Variants in MPC2 observed in about 807,000 individuals in gnomAD.
The protein encoded by MPC2 is brain protein 44.
Under a neutral mutation model 19.2 loss-of-function variants are expected in MPC2, and 19 were observed. That is an observed-to-expected ratio of 0.99 (90% CI 0.69 to 1.45). The LOEUF is 1.45. Ranked by LOEUF, MPC2 falls within the 40% of genes most tolerant of loss-of-function variation. MPC2 has a pLI of 0.00. For synonymous variants in MPC2, 61 were observed against 54.3 expected (o/e 1.12, Z -0.54); for missense variants, 122 against 153.0 (o/e 0.80, Z 1.07).
chr1:167,929,107 C>G (rs1309314868), intron 2 of MPC2, among the ~76,000 whole-genome samples: 1 of 152,134 alleles, frequency 6.6e-6, no homozygotes, highest in African/African-American at 2.4e-5. Flanking sequence ...GCCTGTAATC[C>G]CAGCCGTTTG....
intron 4 of MPC2, 69 bp downstream of exon 4, chr1:167,920,478 A>G: frequency 6.7e-7 from 1 of 1,493,330 alleles, no homozygotes; most frequent in Non-Finnish European, 9.2e-7. Flanking sequence ...CACTAAATAA[A>G]CTGATATAAA....
In MPC2 at chr1:167,936,043, G is replaced by A. The variant is rs189051947; in HGVS notation, c.-57-145C>T. ...GCCCCGCGAAGGTTGAGGGGGCGGA[G>A]GCTGCCGACTGCCAGCCCCCGGTCC... is the stretch of plus-strand genomic sequence containing the variant. On this transcript the variant is annotated intron_variant, in intron 1 of 5. Coordinates refer to ENST00000271373, the MANE Select transcript of MPC2 (RefSeq NM_001143674.4). 2.0e-4 allele frequency: 119 copies of A among 596,568 alleles called. 1 individual carries two copies. In the South Asian group the frequency reaches 2.1e-3, roughly 10 times the overall value. 37.0% of individuals were successfully genotyped at this position (596,568 alleles called of 1,614,324 possible).
chr1:167,935,919 G>A (rs1671147871), intron 1 of MPC2, 21 bp from the exon 2 acceptor site: 2 of 1,151,424 alleles, frequency 1.7e-6, no homozygotes, highest in African/African-American at 1.5e-5. Context: ...AGGGGAGCTA[G>A]TCACTTTTCC....
intron 2 of MPC2, among the ~76,000 whole-genome samples, chr1:167,932,808 C>CA (rs965449372): frequency 0.12 from 6,486 of 54,156 alleles, 455 homozygotes; most frequent in African/African-American, 0.25. Flanking sequence ...GACTCTGTCT[C>CA]AAAAAAAAAA....
intron 2 of MPC2, among the ~76,000 whole-genome samples, chr1:167,931,945 T>G (rs1335418852): frequency 1.3e-5 from 2 of 152,200 alleles, no homozygotes; most frequent in Admixed American, 1.3e-4. Flanking sequence ...ATTTAGACTT[T>G]AAAGTAACTT....
At chr1:167,929,032 C>CA (rs1279486940) in intron 2 of MPC2, among the ~76,000 whole-genome samples, 1 of 152,174 alleles carries the variant, frequency 6.6e-6, no homozygotes, top group Non-Finnish European at 1.5e-5. Flanking sequence ...CCAATGCTGA[C>CA]AATTTAGAAA....
intron 2 of MPC2, among the ~76,000 whole-genome samples, chr1:167,932,369 C>T (rs960044283): frequency 1.3e-5 from 2 of 152,124 alleles, no homozygotes; most frequent in Non-Finnish European, 2.9e-5. Context: ...GTAAACGTTA[C>T]TGGAAGTTCT....
At chr1:167,920,750 G>T in intron 3 of MPC2, 119 bp from the exon 4 acceptor site, 2 of 950,168 alleles carry the variant, frequency 2.1e-6, no homozygotes, top group Non-Finnish European at 3.0e-6. Context: ...TAATTTTAGT[G>T]TCCATTCATT....
chr1:167,921,159 G>A (rs1227938063), intron 3 of MPC2, among the ~76,000 whole-genome samples: 1 of 151,934 alleles, frequency 6.6e-6, no homozygotes, highest in East Asian at 1.9e-4. Context: ...TGAGGTTTGG[G>A]CTTCTAATGA....
rs560330745 is a variant in MPC2, at chr1:167,934,607, G to A, written c.109+1126C>T. Among the ~76,000 whole-genome samples the A allele has an allele frequency of 5.3e-5, 8 of 152,266 alleles. No individual in the cohort carries two copies. The South Asian group carries it at 1.7e-3, about 32-fold the overall frequency. ...TTCAATTCATTCCATTATCAAACTG[G>A]AAATCAGATTTAGTAACCAGTTCAG... On this transcript the variant is annotated intron_variant, in intron 2 of 5. Transcript: ENST00000271373.
intron 5 of MPC2, among the ~76,000 whole-genome samples, chr1:167,919,388 C>T (rs1318975274): frequency 6.6e-6 from 1 of 152,164 alleles, no homozygotes; most frequent in African/African-American, 2.4e-5. Flanking sequence ...GCCAACCATA[C>T]CTCCTAGGTT....
chr1:167,919,217 C>T (rs1245638857), intron 5 of MPC2, among the ~76,000 whole-genome samples: 1 of 152,182 alleles, frequency 6.6e-6, no homozygotes, highest in Non-Finnish European at 1.5e-5. Flanking sequence ...AGTTCACAAA[C>T]GCTAAGGACC....
intron 4 of MPC2, 55 bp downstream of exon 4, chr1:167,920,492 A>AAACAAAAATCATTTATGTTCT: frequency 6.4e-7 from 1 of 1,570,582 alleles, no homozygotes; most frequent in Admixed American, 1.8e-5. Context: ...ATATAAAAGA[A>AAACAAAAATCATTTATGTTCT]AACAAAAATC....
chr1:167,933,573 C>G (rs1670974533), intron 2 of MPC2, among the ~76,000 whole-genome samples: 1 of 152,194 alleles, frequency 6.6e-6, no homozygotes, highest in African/African-American at 2.4e-5. Flanking sequence ...AATATTGTAG[C>G]ATTTCATATC....
chr1:167,936,407 G>A (rs1671218699), intron 1 of MPC2: 1 of 177,674 alleles, frequency 5.6e-6, no homozygotes, highest in South Asian at 1.2e-4. Flanking sequence ...CTGGAGACTC[G>A]TGAGCGAGAG....
At chr1:167,926,547 G>A (rs1670759101) in intron 2 of MPC2, among the ~76,000 whole-genome samples, 2 of 152,330 alleles carry the variant, frequency 1.3e-5, no homozygotes, top group African/African-American at 4.8e-5. Flanking sequence ...AGCCAAGTCA[G>A]CGGTTCTCAA....
At chr1:167,924,567 G>A in intron 2 of MPC2, 30 bp from the exon 3 acceptor site, 2 of 1,463,342 alleles carry the variant, frequency 1.4e-6, no homozygotes, top group Non-Finnish European at 1.8e-6. Context: ...AAAAATTCAG[G>A]AATAAACCAA....
At position 167,924,546 on chromosome 1, in the gene MPC2, AAAAAG is replaced by A. The variant is rs1370152247; in HGVS notation, c.110-14_110-10del. On this transcript the variant is annotated splice_polypyrimidine_tract_variant and intron_variant, in intron 2 of 5. Coordinates refer to ENST00000271373, the MANE Select transcript of MPC2 (RefSeq NM_001143674.4). The stretch of plus-strand genomic sequence containing the variant: ...GAAAACTGTTCTGGGACCTGAAAAA[AAAAAG>A]AAAAGAAAAATTCAGGAATAAACCA... The A allele has an allele frequency of 3.3e-6, 5 of 1,527,038 alleles. No homozygotes were observed. The highest frequency in any genetic ancestry group is 4.4e-6 in the Non-Finnish European group (5 of 1,141,922). The allele number at this position is 1,527,038 out of a possible 1,614,324, so 94.6% of individuals were successfully genotyped here.
rs759282287 is a variant in MPC2, at chr1:167,924,549, A to G, written c.110-12T>C. The G allele has an allele frequency of 1.1e-5, 16 of 1,514,800 alleles. No homozygotes were observed. The highest frequency in any genetic ancestry group is 1.3e-5 in the Non-Finnish European group (15 of 1,134,504). The allele number at this position is 1,514,800 out of a possible 1,614,324, so 93.8% of individuals were successfully genotyped here. A position where few individuals can be genotyped will look rare whatever the true frequency, so the allele number is the denominator to read the frequency against. ...AACTGTTCTGGGACCTGAAAAAAAA[A>G]AGAAAAGAAAAATTCAGGAATAAAC... On this transcript the variant is annotated splice_polypyrimidine_tract_variant and intron_variant, in intron 2 of 5. Coordinates refer to ENST00000271373, the MANE Select transcript of MPC2 (RefSeq NM_001143674.4).
Sources: gnomAD v4.1 joint callset for allele counts (sites outside exome capture counted in the v4.1 genomes callset) on GRCh38, gnomAD v4.1.1 for gene constraint, MANE v1.5 for transcripts, NCBI Gene and HGNC (gene_info 2026-07-23, HGNC 2026-07-21) for gene names.